EXOSC5: variants seen among roughly 807,000 people sequenced by gnomAD.
EXOSC5 encodes exosome complex component RRP46.
EXOSC5 carries 15 observed loss-of-function variants against 23.7 expected under a neutral mutation model. That is an observed-to-expected ratio of 0.63 (90% CI 0.42 to 0.97). The LOEUF is 0.97. EXOSC5 is among the 50% of genes least tolerant of loss of function. The probability of loss-of-function intolerance (pLI) is 0.00; values close to 1 mark genes in which losing one functional copy is unlikely to be tolerated. For synonymous variants in EXOSC5, 143 were observed against 140.9 expected (o/e 1.02, Z -0.11); for missense variants, 305 against 316.3 (o/e 0.96, Z 0.27).
In EXOSC5 at chr19:41,391,065, C is replaced by T. The variant is rs185036886; in HGVS notation, c.384+776G>A. ...GAGGGCCTGAAATCCACTGAGGTGCCGAGTAGAAGTGATTGCCAGCCGGGC... is the reference window on the plus strand; with the variant it reads ...GAGGGCCTGAAATCCACTGAGGTGCTGAGTAGAAGTGATTGCCAGCCGGGC... On this transcript the variant is annotated intron_variant, in intron 3 of 5. Transcript: ENST00000221233. 1.9e-4 allele frequency among the ~76,000 whole-genome samples: 29 copies of T among 151,992 alleles called. No homozygotes were observed. In the East Asian group the frequency reaches 3.5e-3, roughly 18 times the overall value.
At chr19:41,389,239 C>T (rs978910858) in intron 4 of EXOSC5, among the ~76,000 whole-genome samples, 2 of 152,098 alleles carry the variant, frequency 1.3e-5, no homozygotes, top group East Asian at 3.9e-4. Flanking sequence ...AGCCACCACA[C>T]CTGGCCATAC....
At chr19:41,390,133 A>G (rs1178566719) in intron 3 of EXOSC5, among the ~76,000 whole-genome samples, 1 of 151,926 alleles carries the variant, frequency 6.6e-6, no homozygotes, top group East Asian at 1.9e-4. Flanking sequence ...GGGTTTCACT[A>G]TGTTGGCCAG....
intron 5 of EXOSC5, 77 bp from the exon 6 acceptor site, chr19:41,386,802 G>T: frequency 1.5e-6 from 2 of 1,350,944 alleles, no homozygotes; most frequent in Non-Finnish European, 2.0e-6. Context: ...AGGAGGTTCT[G>T]CTGACCCCAC....
chr19:41,389,771 T>G lies in EXOSC5; in HGVS notation c.519A>C (p.Gln173His), dbSNP rs760227343. ...GTLVLDPTSK[Q>H]EKEARAVLTF... ...CCCTGGTCTTCACACCTACCTTTTCTTGCTTGGATGTAGGATCCAGCACGA... is the reference window on the plus strand; with the variant it reads ...CCCTGGTCTTCACACCTACCTTTTCGTGCTTGGATGTAGGATCCAGCACGA... Residue 173 changes from glutamine (Q) to histidine (H), a missense_variant, in exon 4 of 6, where the codon CAA (glutamine) becomes CAC (histidine). By Grantham distance (24) the Gln-to-His change is conservative. Coordinates refer to ENST00000221233, the MANE Select transcript of EXOSC5 (RefSeq NM_020158.4). The G allele has an allele frequency of 6.2e-7, 1 of 1,612,972 alleles. No individual in the cohort carries two copies. Among genetic ancestry groups the G allele is most frequent in the Non-Finnish European group, 8.5e-7 (1 of 1,179,574 alleles).
chr19:41,391,787 G>C lies in EXOSC5; in HGVS notation c.384+54C>G. 4 of 1,468,774 alleles carry C rather than the reference G, an allele frequency of 2.7e-6. No individual in the cohort carries two copies. In the South Asian group the frequency reaches 4.4e-5, roughly 16 times the overall value. The allele number at this position is 1,468,774 out of a possible 1,614,324, so 91.0% of individuals were successfully genotyped here. A position where few individuals can be genotyped will look rare whatever the true frequency, so the allele number is the denominator to read the frequency against. On this transcript the variant is annotated intron_variant, in intron 3 of 5. Coordinates refer to ENST00000221233, the MANE Select transcript of EXOSC5 (RefSeq NM_020158.4). ...GCAGTGAGGGTATATGTATCCGCCA[G>C]GAGGGAAGCAATCAGGAGACTTCCT... is the stretch of plus-strand genomic sequence containing the variant.
At chr19:41,388,840 G>A (rs967049208) in intron 4 of EXOSC5, among the ~76,000 whole-genome samples, 1 of 152,226 alleles carries the variant, frequency 6.6e-6, no homozygotes. Context: ...TAAGGGGTCA[G>A]TCCCAGCCTC....
Position 41,386,683 on chromosome 19 carries a change from C to G in EXOSC5, c.658G>C (p.Val220Leu), listed in dbSNP as rs767958737. ...LAAAQAASQH[V>L]FRFYRESLQR... ...AGCGATTCCCGGTAGAAACGGAAGA[C>G]GTGTTGCGAAGCGGCCTGGGCCGCA... The change falls in exon 6 of 6, where the codon GTC becomes CTC. Residue 220 changes from valine to leucine, a missense_variant. Transcript: ENST00000221233. 5.6e-6 allele frequency: 9 copies of G among 1,604,082 alleles called. No individual in the cohort carries two copies. The highest frequency in any genetic ancestry group is 2.7e-5 in the African/African-American group (2 of 74,800).
In EXOSC5 at chr19:41,389,879, G is replaced by A. The variant is rs748119640; in HGVS notation, c.411C>T (p.Ala137=). ...CACCTGCATCCACCAATGCCATGCA[G>A]GCGGCATTCAGACAACAGGCCAGGA... The part of the protein sequence containing the change: ...GSLLACCLNA[A]CMALVDAGVP... The change falls in exon 4 of 6, where the codon GCC becomes GCT. Residue 137 remains alanine, a synonymous_variant. Coordinates refer to ENST00000221233, the MANE Select transcript of EXOSC5 (RefSeq NM_020158.4). 1.2e-6 allele frequency: 2 copies of A among 1,611,982 alleles called. No individual in the cohort carries two copies. Among genetic ancestry groups the A allele is most frequent in the South Asian group, 1.1e-5 (1 of 90,800 alleles).
At chr19:41,391,194 G>A (rs1409949975) in intron 3 of EXOSC5, among the ~76,000 whole-genome samples, 4 of 152,082 alleles carry the variant, frequency 2.6e-5, no homozygotes, top group Admixed American at 2.0e-4. Context: ...GCAAAACCCC[G>A]TCTCTACTAA....
At chr19:41,392,040 C>G (rs1269060657) in intron 2 of EXOSC5, 78 bp from the exon 3 acceptor site, 1 of 1,522,964 alleles carries the variant, frequency 6.6e-7, no homozygotes, top group Admixed American at 2.4e-5. Flanking sequence ...CCCAAATTCC[C>G]AGAAAGGGCT....
intron 3 of EXOSC5, among the ~76,000 whole-genome samples, chr19:41,391,214 A>C (rs2039020523): frequency 6.6e-6 from 1 of 152,098 alleles, no homozygotes; most frequent in African/African-American, 2.4e-5. Flanking sequence ...AAAATACAAA[A>C]ATTAGCCTGG....
intron 1 of EXOSC5, among the ~76,000 whole-genome samples, chr19:41,393,444 T>C (rs1185670710): frequency 6.6e-6 from 1 of 152,114 alleles, no homozygotes; most frequent in African/African-American, 2.4e-5. Flanking sequence ...TTTATATTTT[T>C]AGTAGAGAGG....
In EXOSC5 at chr19:41,391,982, G is replaced by A. The variant is rs2039026507; in HGVS notation, c.263-20C>T. On this transcript the variant is annotated intron_variant, in intron 2 of 5. Coordinates refer to ENST00000221233, the MANE Select transcript of EXOSC5 (RefSeq NM_020158.4). Reference sequence around the variant, plus strand: ...CAACACCTGGGGAAATTGAAGAGAGGTTCAGGGTCTTCCCCTTCATTTGAC... The same window carrying A: ...CAACACCTGGGGAAATTGAAGAGAGATTCAGGGTCTTCCCCTTCATTTGAC... 6.3e-7 allele frequency: 1 copy of A among 1,575,232 alleles called. No individual in the cohort carries two copies. The highest frequency in any genetic ancestry group is 1.4e-5 in the African/African-American group (1 of 72,334).
intron 1 of EXOSC5, among the ~76,000 whole-genome samples, chr19:41,393,706 C>A (rs184843842): frequency 6.6e-6 from 1 of 151,774 alleles, no homozygotes; most frequent in African/African-American, 2.4e-5. Flanking sequence ...ATTACAGGCG[C>A]GCGCCACCAC....
Position 41,389,841 on chromosome 19 carries a change from GC to G in EXOSC5, c.448del (p.Ala150LeufsTer32), listed in dbSNP as rs759476434. 1.2e-6 allele frequency: 2 copies of G among 1,614,114 alleles called. No homozygotes were observed. ...GGCGCAGGCGACCCCACAGAAGAGA[GC>G]CCGCATGGGCACACCTGCATCCACC... ...ALVDAGVPMR[A>X]LFCGVACALD... is the part of the protein sequence containing the mutation. On this transcript the variant is annotated frameshift_variant, in exon 4 of 6. Coordinates refer to ENST00000221233, the MANE Select transcript of EXOSC5 (RefSeq NM_020158.4). LOFTEE classifies it high-confidence loss of function.
chr19:41,391,694 A>G (rs2039023377), intron 3 of EXOSC5, 147 bp downstream of exon 3: 1 of 1,072,740 alleles, frequency 9.3e-7, no homozygotes, highest in Non-Finnish European at 1.3e-6. Context: ...ATAAGTAAGC[A>G]CCCAGGCTGT....
chr19:41,392,202 A>G (rs754165570), intron 2 of EXOSC5: 2 of 542,198 alleles, frequency 3.7e-6, no homozygotes, highest in Non-Finnish European at 6.2e-6. Flanking sequence ...TGGGAGTTCC[A>G]TGTCTGTGCT....
intron 3 of EXOSC5, 56 bp downstream of exon 3, chr19:41,391,785 C>T: frequency 6.1e-6 from 9 of 1,466,542 alleles, no homozygotes; most frequent in South Asian, 4.4e-5. Context: ...ATGTATCCGC[C>T]AGGAGGGAAG....
In EXOSC5 at chr19:41,387,613, A is replaced by AG. The variant is rs1170568946; in HGVS notation, c.526-11dup. On this transcript the variant is annotated splice_polypyrimidine_tract_variant and intron_variant, in intron 4 of 5. Transcript: ENST00000221233. ...GGACTGCCCGGGCCTCCTAGGGACA[A>AG]GGGGTAGAAGGCGGTGGGGGACCTA... 6.3e-6 allele frequency: 10 copies of AG among 1,579,562 alleles called. No homozygotes were observed. Among genetic ancestry groups the AG allele is most frequent in the Non-Finnish European group, 8.6e-6 (10 of 1,164,872 alleles).
Sources: gnomAD v4.1 joint callset for allele counts (sites outside exome capture counted in the v4.1 genomes callset) on GRCh38, gnomAD v4.1.1 for gene constraint, MANE v1.5 for transcripts, NCBI Gene and HGNC (gene_info 2026-07-23, HGNC 2026-07-21) for gene names.